Variants in MYT1L observed in about 807,000 individuals in gnomAD.
MYT1L encodes the protein myelin transcription factor 1-like protein.
In MYT1L, 12 loss-of-function variants were observed where a neutral mutation model predicts 126.7. The observed-to-expected ratio is 0.09, with a 90% CI of 0.06 to 0.15. The LOEUF (loss-of-function observed/expected upper bound fraction) is 0.15. Ranked by LOEUF, MYT1L falls within the 10% of genes least tolerant of loss-of-function variation. The probability of loss-of-function intolerance (pLI) is 1.00; values close to 1 mark genes in which losing one functional copy is unlikely to be tolerated. For missense variants in MYT1L, 979 were observed against 1,585.2 expected (o/e 0.62, Z 6.49); for synonymous variants, 541 against 604.2 (o/e 0.90, Z 1.53).
intron 1 of MYT1L, among the ~76,000 whole-genome samples, chr2:2,295,635 CAG>C (rs74164562): frequency 8.2e-4 from 6 of 7,320 alleles, no homozygotes; most frequent in African/African-American, 1.7e-3. Flanking sequence ...GACAGACAGA[CAG>C]AGAGAGAGAT....
chr2:2,081,580 T>C (rs2075827449), intron 3 of MYT1L, among the ~76,000 whole-genome samples: 1 of 152,224 alleles, frequency 6.6e-6, no homozygotes, highest in Non-Finnish European at 1.5e-5. Context: ...CTCTCATTCT[T>C]CATCATGTCA....
Position 2,099,741 on chromosome 2 carries a change from G to C in MYT1L, c.-303-45618C>G, listed in dbSNP as rs535156667. On this transcript the variant is annotated intron_variant, in intron 3 of 24. Coordinates refer to ENST00000647738, the MANE Select transcript of MYT1L (RefSeq NM_001303052.2). ...CAAGATCACCAGATACCGTGAAGAC[G>C]TGAAAAGGTACTTCTGCTGCAAGTC... Among the ~76,000 whole-genome samples the C allele has an allele frequency of 4.6e-5, 7 of 152,320 alleles. No homozygotes were observed. In the South Asian group the frequency reaches 6.2e-4, roughly 14 times the overall value.
At chr2:2,148,372 G>A (rs1041925681) in intron 3 of MYT1L, among the ~76,000 whole-genome samples, 2 of 152,268 alleles carry the variant, frequency 1.3e-5, no homozygotes, top group South Asian at 2.1e-4. Flanking sequence ...AATAGTGTTC[G>A]AATTCCCATG....
chr2:2,116,949 T>C (rs1032342863), intron 3 of MYT1L, among the ~76,000 whole-genome samples: 1 of 152,212 alleles, frequency 6.6e-6, no homozygotes, highest in Admixed American at 6.5e-5. Flanking sequence ...ACCAACCACA[T>C]GAAAACTGTG....
At chr2:2,116,040 C>T (rs2080172447) in intron 3 of MYT1L, among the ~76,000 whole-genome samples, 1 of 151,304 alleles carries the variant, frequency 6.6e-6, no homozygotes, top group African/African-American at 2.5e-5. Context: ...GCACCACGTC[C>T]AGTCGACGAA....
At chr2:1,927,930 C>A (rs201495670) in intron 9 of MYT1L, among the ~76,000 whole-genome samples, 12 of 49,584 alleles carry the variant, frequency 2.4e-4, no homozygotes, top group Non-Finnish European at 3.8e-4. Flanking sequence ...GGAAAAAAAA[C>A]CAAACCACAT....
At chr2:1,949,443 G>A (rs1183035684) in intron 8 of MYT1L, among the ~76,000 whole-genome samples, 1 of 151,800 alleles carries the variant, frequency 6.6e-6, no homozygotes, top group African/African-American at 2.4e-5. Context: ...TCTTTTTGCT[G>A]TTGTAGCTTT....
At chr2:2,288,036 C>T (rs150312541) in intron 1 of MYT1L, among the ~76,000 whole-genome samples, 1,632 of 152,188 alleles carry the variant, frequency 0.011, 32 homozygotes, top group South Asian at 0.087. Context: ...TCAGATTTAT[C>T]CCTAGATAGA....
chr2:2,033,394 G>T (rs2066617481), intron 4 of MYT1L, among the ~76,000 whole-genome samples: 1 of 149,854 alleles, frequency 6.7e-6, no homozygotes, highest in Admixed American at 6.6e-5. Context: ...CCCCTCGCCA[G>T]TGCCTCTCAT....
chr2:1,995,783 C>T (rs2061787729), intron 5 of MYT1L, among the ~76,000 whole-genome samples: 1 of 152,090 alleles, frequency 6.6e-6, no homozygotes. Flanking sequence ...AAGGGGAGTC[C>T]CAGGAGGAGG....
At chr2:2,029,658 T>A (rs1425068232) in intron 4 of MYT1L, among the ~76,000 whole-genome samples, 1 of 152,216 alleles carries the variant, frequency 6.6e-6, no homozygotes, top group East Asian at 1.9e-4. Flanking sequence ...ACAGTATAGC[T>A]TTCCACACAT....
chr2:1,947,329 G>T (rs187949783), intron 8 of MYT1L, among the ~76,000 whole-genome samples: 13 of 152,306 alleles, frequency 8.5e-5, no homozygotes, highest in Admixed American at 3.3e-4. Context: ...TAGAGGAGGG[G>T]AGTGGAGATT....
At chr2:2,292,123 G>C (rs557090449) in intron 1 of MYT1L, among the ~76,000 whole-genome samples, 6 of 152,194 alleles carry the variant, frequency 3.9e-5, no homozygotes, top group Non-Finnish European at 5.9e-5. Flanking sequence ...CAGGCAAAAG[G>C]GGCAGCGAGC....
At chr2:2,112,722 A>G (rs736016) in intron 3 of MYT1L, among the ~76,000 whole-genome samples, 2,409 of 152,296 alleles carry the variant, frequency 0.016, 63 homozygotes, top group African/African-American at 0.055. Flanking sequence ...TAACACCAGG[A>G]GCACTCTCAG....
intron 3 of MYT1L, among the ~76,000 whole-genome samples, chr2:2,133,447 A>C (rs966444758): frequency 2.6e-5 from 4 of 152,194 alleles, no homozygotes; most frequent in African/African-American, 9.6e-5. Flanking sequence ...GTTATTTTTA[A>C]GTTACTGCTA....
At chr2:2,014,854 C>T (rs946322540) in intron 4 of MYT1L, among the ~76,000 whole-genome samples, 1 of 152,130 alleles carries the variant, frequency 6.6e-6, no homozygotes, top group African/African-American at 2.4e-5. Context: ...TGCTATCAGC[C>T]CCATGAGAAG....
intron 3 of MYT1L, among the ~76,000 whole-genome samples, chr2:2,167,600 C>A (rs1476118955): frequency 6.6e-6 from 1 of 152,220 alleles, no homozygotes; most frequent in Admixed American, 6.5e-5. Flanking sequence ...CCTGCCTTCC[C>A]TCCCGCTTCC....
intron 3 of MYT1L, among the ~76,000 whole-genome samples, chr2:2,146,346 C>T (rs147329424): frequency 4.0e-4 from 61 of 152,250 alleles, no homozygotes; most frequent in African/African-American, 1.3e-3. Context: ...ACGCCTGAGA[C>T]GATAGGAGTG....
In MYT1L at chr2:1,801,674, TG is replaced by T; in HGVS notation, c.3276+21del. 6.6e-7 allele frequency: 1 copy of T among 1,506,952 alleles called. No homozygotes were observed. Among genetic ancestry groups the T allele is most frequent in the Non-Finnish European group, 9.2e-7 (1 of 1,089,458 alleles). 93.3% of individuals were successfully genotyped at this position (1,506,952 alleles called of 1,614,324 possible). A position where few individuals can be genotyped will look rare whatever the true frequency, so the allele number is the denominator to read the frequency against. On this transcript the variant is annotated intron_variant, in intron 23 of 24. Coordinates refer to ENST00000647738, the MANE Select transcript of MYT1L (RefSeq NM_001303052.2). This position sits in a 1 kb window ranked among gnomAD's most constrained non-coding sequence, Gnocchi z 4.2. ...TAATGGCGCGTGTTAGAGCTAAAAT[TG>T]AGGGCTTCAAAAACTGTTACCTGAG...
Sources: gnomAD v4.1 joint callset for allele counts (sites outside exome capture counted in the v4.1 genomes callset) on GRCh38, gnomAD v4.1.1 for gene constraint, Gnocchi (gnomAD v3.1) non-coding constraint, MANE v1.5 for transcripts, NCBI Gene and HGNC (gene_info 2026-07-23, HGNC 2026-07-21) for gene names.